The following POU2F3 variants were observed in gnomAD, a reference collection of about 807,000 sequenced individuals.
The protein encoded by POU2F3 is POU class 2 homeobox 3.
POU2F3 carries 23 observed loss-of-function variants against 59.2 expected under a neutral mutation model. The observed-to-expected ratio is 0.39, with a 90% CI of 0.28 to 0.55. POU2F3 has a LOEUF of 0.55. Among genes scored for constraint, POU2F3 ranks in the 20% least tolerant of loss-of-function variants. POU2F3 has a pLI of 0.66. For missense variants in POU2F3, 473 were observed against 544.5 expected, an observed-to-expected ratio of 0.87 and a Z score of 1.31; for synonymous variants, 190 against 214.6, an observed-to-expected ratio of 0.89 and a Z score of 1.00.
intron 8 of POU2F3, 102 bp from the exon 9 acceptor site, chr11:120,307,377 C>T (rs890762764): frequency 1.2e-5 from 16 of 1,388,900 alleles, no homozygotes; most frequent in East Asian, 2.3e-5. Flanking sequence ...GAAAATGCCA[C>T]TGCAGAGCCC....
intron 3 of POU2F3, among the ~76,000 whole-genome samples, chr11:120,274,641 A>G (rs890668716): frequency 4.6e-5 from 7 of 152,202 alleles, no homozygotes; most frequent in Non-Finnish European, 7.3e-5. Context: ...TGGGAGCCCA[A>G]TGCATGGCAA....
chr11:120,300,789 T>A, intron 5 of POU2F3: 1 of 285,622 alleles, frequency 3.5e-6, no homozygotes, highest in African/African-American at 2.2e-5. Context: ...ATGGAGGAAG[T>A]ATAAACTCTC....
chr11:120,291,958 G>A (rs1337692666), intron 3 of POU2F3, among the ~76,000 whole-genome samples: 3 of 151,786 alleles, frequency 2.0e-5, no homozygotes, highest in Admixed American at 6.6e-5. Context: ...ACAGGCACCC[G>A]CCACCACACC....
intron 3 of POU2F3, among the ~76,000 whole-genome samples, chr11:120,271,035 G>A (rs1385237061): frequency 5.3e-5 from 8 of 152,088 alleles, no homozygotes; most frequent in Admixed American, 5.2e-4. Context: ...GCTAATTCTG[G>A]GTACATTCTT....
intron 2 of POU2F3, among the ~76,000 whole-genome samples, chr11:120,258,311 T>G (rs1263317649): frequency 1.3e-5 from 2 of 152,146 alleles, no homozygotes; most frequent in African/African-American, 2.4e-5. Flanking sequence ...CTGGCAAGGC[T>G]GGGGTAAGGC....
In POU2F3 at chr11:120,240,177, C is replaced by T. The variant is rs1031478553; in HGVS notation, c.-167C>T. 60 of 1,221,894 alleles carry T rather than the reference C, an allele frequency of 4.9e-5. No homozygotes were observed. The highest frequency in any genetic ancestry group is 5.7e-5 in the Non-Finnish European group (56 of 975,384). The allele number at this position is 1,221,894 out of a possible 1,614,324, so 75.7% of individuals were successfully genotyped here. A position where few individuals can be genotyped will look rare whatever the true frequency, so the allele number is the denominator to read the frequency against. On this transcript the variant is annotated 5_prime_UTR_variant, in exon 1 of 13. Coordinates refer to ENST00000543440, the MANE Select transcript of POU2F3 (RefSeq NM_014352.4). ...CTGGCGGCGCCGAGTGTTGCCCGGGCCGGAGCAGCGGAGCGCGCGACAGTG... is the reference window on the plus strand; with the variant it reads ...CTGGCGGCGCCGAGTGTTGCCCGGGTCGGAGCAGCGGAGCGCGCGACAGTG...
In POU2F3 at chr11:120,309,549, C is replaced by T; in HGVS notation, c.1031C>T (p.Ala344Val). The change falls in exon 10 of 13, where the codon GCC (alanine) becomes GTC (valine). Residue 344 changes from alanine to valine, a missense_variant. Physicochemically the swap from Ala to Val is moderately conservative, Grantham distance 64 (BLOSUM62 0). Transcript: ENST00000543440. ...QKEKRINCPV[A>V]TPIKPPVYNS... ...GAGAAGCGAATCAACTGCCCTGTGG[C>T]CACACCCATCAAACCACCTGTCTAC... The T allele has an allele frequency of 1.9e-6, 3 of 1,614,042 alleles. No individual in the cohort carries two copies. Among genetic ancestry groups the T allele is most frequent in the Non-Finnish European group, 2.5e-6 (3 of 1,179,978 alleles).
intron 3 of POU2F3, among the ~76,000 whole-genome samples, chr11:120,277,707 G>A (rs889991880): frequency 3.3e-5 from 5 of 151,958 alleles, no homozygotes; most frequent in South Asian, 2.1e-4. Context: ...ACTTGAATCC[G>A]GGAGGCGGAG....
Position 120,318,551 on chromosome 11 carries a change from C to A in POU2F3, c.*159C>A, listed in dbSNP as rs1230238318. ...TGTCTTCTTCAAGAGCAAGGGCCTC[C>A]GGAGATCCAAACTGTGATTGAACCA... is the stretch of plus-strand genomic sequence containing the variant. On this transcript the variant is annotated 3_prime_UTR_variant, in exon 13 of 13. Coordinates refer to ENST00000543440, the MANE Select transcript of POU2F3 (RefSeq NM_014352.4). The A allele has an allele frequency of 5.7e-6, 4 of 701,150 alleles. No homozygotes were observed. The allele number at this position is 701,150 out of a possible 1,614,324, so 43.4% of individuals were successfully genotyped here. A position where few individuals can be genotyped will look rare whatever the true frequency, so the allele number is the denominator to read the frequency against.
At position 120,315,160 on chromosome 11, in the gene POU2F3, G is replaced by A. The variant is rs569376804; in HGVS notation, c.1069-201G>A. Among the ~76,000 whole-genome samples, 52 of 152,320 alleles carry A rather than the reference G, an allele frequency of 3.4e-4. 1 individual carries two copies. The South Asian group carries it at 8.9e-3, about 26-fold the overall frequency. On this transcript the variant is annotated intron_variant, in intron 10 of 12. Coordinates refer to ENST00000543440, the MANE Select transcript of POU2F3 (RefSeq NM_014352.4). Reference sequence around the variant, plus strand: ...GTGTTGACACCAGGGAACTTCCGGGGCAGACTGGACCTGGTTCTGGATGCC... The same window carrying A: ...GTGTTGACACCAGGGAACTTCCGGGACAGACTGGACCTGGTTCTGGATGCC...
Position 120,263,720 on chromosome 11 carries a change from CT to C in POU2F3, c.98-5487del, listed in dbSNP as rs983086188. 7.2e-5 allele frequency among the ~76,000 whole-genome samples: 11 copies of C among 152,304 alleles called. No individual in the cohort carries two copies. In the South Asian group the frequency reaches 8.3e-4, roughly 11 times the overall value. On this transcript the variant is annotated intron_variant, in intron 2 of 12. Coordinates refer to ENST00000543440, the MANE Select transcript of POU2F3 (RefSeq NM_014352.4). ...AGGTGTTTTCCCCTCTGAGGTTAGACTTTGGTGTTGGACTCTGAAAATAATG... is the reference window on the plus strand; with the variant it reads ...AGGTGTTTTCCCCTCTGAGGTTAGACTTGGTGTTGGACTCTGAAAATAATG...
chr11:120,239,161 G>A (rs921302720), upstream of POU2F3, among the ~76,000 whole-genome samples: 14 of 152,226 alleles, frequency 9.2e-5, no homozygotes, highest in African/African-American at 2.2e-4. Context: ...TGGGACTAAG[G>A]AGAAGACATG....
intron 8 of POU2F3, among the ~76,000 whole-genome samples, chr11:120,306,184 A>G (rs1941480932): frequency 6.6e-6 from 1 of 152,088 alleles, no homozygotes. Context: ...TCTCACTGGG[A>G]GGGGGAGACC....
intron 6 of POU2F3, 154 bp downstream of exon 6, chr11:120,302,522 G>A (rs1359275154): frequency 3.1e-6 from 2 of 640,070 alleles, no homozygotes; most frequent in Non-Finnish European, 5.2e-6. Context: ...GGAAATCCAA[G>A]CTACAGCAAG....
Position 120,262,962 on chromosome 11 carries a change from A to T in POU2F3, c.98-6248A>T, listed in dbSNP as rs987236415. On this transcript the variant is annotated intron_variant, in intron 2 of 12. Transcript: ENST00000543440. ...TAACCATTTCTTTTCTTATTTATTT[A>T]ATTTATTTATTTATTTATTTATTTA... Among the ~76,000 whole-genome samples the T allele has an allele frequency of 5.4e-4, 66 of 122,732 alleles. 1 individual carries two copies. The highest frequency in any genetic ancestry group is 6.6e-4 in the South Asian group (2 of 3,030). The allele number at this position is 122,732 out of a possible 152,430, so 80.5% of individuals were successfully genotyped here.
At chr11:120,252,978 G>T (rs1273533635) in intron 2 of POU2F3, among the ~76,000 whole-genome samples, 1 of 152,214 alleles carries the variant, frequency 6.6e-6, no homozygotes, top group African/African-American at 2.4e-5. Context: ...AGGGGAAAAA[G>T]GAGGGGGAGC....
In POU2F3 at chr11:120,318,346, C is replaced by T; in HGVS notation, c.1272-7C>T. 6.2e-7 allele frequency: 1 copy of T among 1,601,910 alleles called. No homozygotes were observed. The highest frequency in any genetic ancestry group is 8.6e-7 in the Non-Finnish European group (1 of 1,168,872). The stretch of plus-strand genomic sequence containing the variant: ...AGCTTTAGGATTGACTTCTTTCTTC[C>T]TTCCAGATCTTGGTACCGATGGAAT... On this transcript the variant is annotated splice_polypyrimidine_tract_variant and splice_region_variant and intron_variant, in intron 12 of 12. Coordinates refer to ENST00000543440, the MANE Select transcript of POU2F3 (RefSeq NM_014352.4).
At chr11:120,236,791 T>C (rs1162336855), upstream of POU2F3, 7 of 1,312,326 alleles carry the variant, frequency 5.3e-6, no homozygotes, top group African/African-American at 1.5e-5. Context: ...GAATAAAGAT[T>C]GCTCACCATT....
chr11:120,313,326 C>T (rs747642266), intron 10 of POU2F3, among the ~76,000 whole-genome samples: 9 of 152,194 alleles, frequency 5.9e-5, no homozygotes, highest in African/African-American at 2.2e-4. Flanking sequence ...TTCCAGGCAC[C>T]GTAGAAAGCA....
Sources: allele counts gnomAD v4.1 joint callset (sites outside exome capture counted in the v4.1 genomes callset), GRCh38; gene constraint gnomAD v4.1.1; transcripts MANE v1.5; gene names NCBI Gene and HGNC (gene_info 2026-07-23, HGNC 2026-07-21).